Variants in APOBEC3G observed in about 807,000 individuals in gnomAD.
The protein encoded by APOBEC3G is apolipoprotein B mRNA editing enzyme catalytic subunit 3G, also known as DNA dC->dU-editing enzyme APOBEC-3G.
APOBEC3G carries 44 observed loss-of-function variants against 50.0 expected under a neutral mutation model. That is an observed-to-expected ratio of 0.88 (90% CI 0.69 to 1.13). The LOEUF is 1.13. Among genes scored for constraint, APOBEC3G ranks in the 50% most tolerant of loss-of-function variants. APOBEC3G has a pLI of 0.00. For missense variants in APOBEC3G, 469 were observed against 492.0 expected (o/e 0.95, Z 0.44); for synonymous variants, 156 against 175.3 (o/e 0.89, Z 0.87).
At chr22:39,080,614 C>T (rs1416243095) in intron 2 of APOBEC3G, 4 of 340,382 alleles carry the variant, frequency 1.2e-5, no homozygotes, top group Non-Finnish European at 2.2e-5. Flanking sequence ...TACTGCCCCC[C>T]CAGCTAGAGG....
intron 4 of APOBEC3G, chr22:39,081,956 A>C (rs991655270): frequency 3.6e-5 from 7 of 194,520 alleles, no homozygotes; most frequent in African/African-American, 1.4e-4. Flanking sequence ...CCCGGCAGTC[A>C]GAAGCTTTGA....
intron 1 of APOBEC3G, 147 bp downstream of exon 1, chr22:39,077,525 C>T: frequency 7.1e-7 from 1 of 1,418,048 alleles, no homozygotes. Context: ...CTACTCCCAG[C>T]CAGGCTCCTT....
chr22:39,087,423 G>T lies in APOBEC3G; in HGVS notation c.*2G>T. On this transcript the variant is annotated 3_prime_UTR_variant, in exon 8 of 8. Coordinates refer to ENST00000407997, the MANE Select transcript of APOBEC3G (RefSeq NM_021822.4). ...CTCTTCCAGAATCAGGAAAACTGAA[G>T]GATGGGCCTCAGTCTCTAAGGAAGG... The T allele has an allele frequency of 6.2e-7, 1 of 1,613,978 alleles. No homozygotes were observed. Among genetic ancestry groups the T allele is most frequent in the Non-Finnish European group, 8.5e-7 (1 of 1,179,892 alleles).
Position 39,078,840 on chromosome 22 carries a change from AGCCGTCCAG to A in APOBEC3G, c.18-90_18-82del, listed in dbSNP as rs952865287. Reference sequence around the variant, plus strand: ...GAGGGGAGGGATGGGGGAGGCCTAGAGCCGTCCAGGGGGCTGTGTTTAGTGGACATCAGC... The same window carrying A: ...GAGGGGAGGGATGGGGGAGGCCTAGAGGGGCTGTGTTTAGTGGACATCAGC... On this transcript the variant is annotated intron_variant, in intron 1 of 7. Coordinates refer to ENST00000407997, the MANE Select transcript of APOBEC3G (RefSeq NM_021822.4). 3.5e-5 allele frequency: 53 copies of A among 1,531,316 alleles called. No homozygotes were observed. In the African/African-American group the frequency reaches 6.2e-4, roughly 18 times the overall value. The allele number at this position is 1,531,316 out of a possible 1,614,324, so 94.9% of individuals were successfully genotyped here.
chr22:39,083,663 A>G (rs749737101), intron 4 of APOBEC3G, 68 bp from the exon 5 acceptor site: 11 of 1,547,890 alleles, frequency 7.1e-6, no homozygotes, highest in Non-Finnish European at 9.7e-6. Flanking sequence ...GGAAGCGTGG[A>G]GAGGGAGGGG....
At chr22:39,078,882 G>A in intron 1 of APOBEC3G, 50 bp from the exon 2 acceptor site, 1 of 1,607,286 alleles carries the variant, frequency 6.2e-7, no homozygotes, top group Non-Finnish European at 8.5e-7. Flanking sequence ...AGCCCGGAGG[G>A]CCCCCAGGAG....
At chr22:39,083,982 G>A (rs1928590463) in intron 5 of APOBEC3G, 98 bp downstream of exon 5, 1 of 1,433,720 alleles carries the variant, frequency 7.0e-7, no homozygotes. Flanking sequence ...GTCCTGCAGA[G>A]TGTCTGTCAC....
intron 5 of APOBEC3G, among the ~76,000 whole-genome samples, chr22:39,084,522 T>A (rs1928611972): frequency 9.7e-6 from 1 of 103,536 alleles, no homozygotes; most frequent in African/African-American, 3.4e-5. Context: ...CGAGACTCCG[T>A]CTCAAGAAAA....
At position 39,077,483 on chromosome 22, in the gene APOBEC3G, G is replaced by C. The variant is rs35223997; in HGVS notation, c.17+105G>C. 11,947 of 1,540,630 alleles carry C rather than the reference G, an allele frequency of 7.8e-3. 58 individuals are homozygous for C. Among genetic ancestry groups the C allele is most frequent in the Non-Finnish European group, 8.7e-3 (9,897 of 1,143,240 alleles). ...CTTCCCCTGCCCCAGCCCCAGCCCT[G>C]GGCTCCCTCCCCTCTGACTCCCCTG... On this transcript the variant is annotated intron_variant, in intron 1 of 7. Transcript: ENST00000407997.
At chr22:39,079,554 C>G (rs1278974853) in intron 2 of APOBEC3G, 1 of 154,176 alleles carries the variant, frequency 6.5e-6, no homozygotes, top group Non-Finnish European at 1.4e-5. Flanking sequence ...AACTTCTGAC[C>G]TCAGGTGATC....
intron 5 of APOBEC3G, 84 bp from the exon 6 acceptor site, chr22:39,086,195 T>C (rs1329676432): frequency 6.9e-7 from 1 of 1,453,776 alleles, no homozygotes. Context: ...TCCTAGCTAC[T>C]TGTACACTCC....
At chr22:39,086,654 T>A in intron 6 of APOBEC3G, 87 bp downstream of exon 6, 1 of 1,498,964 alleles carries the variant, frequency 6.7e-7, no homozygotes, top group Non-Finnish European at 9.0e-7. Flanking sequence ...AGGGTCGGCA[T>A]CCCTGTGGGA....
In APOBEC3G at chr22:39,081,573, G is replaced by C; in HGVS notation, c.569G>C (p.Gly190Ala). ...TATATATTACTGCACATCATGCTGG[G>C]GGAGATTCTCAGGTGAGGGTCTCCC... ...KYYILLHIML[G>A]EILRHSMDPP... Residue 190 changes from glycine (G) to alanine (A), a missense_variant, in exon 4 of 8, where the codon GGG (glycine) becomes GCG (alanine). Transcript: ENST00000407997. The C allele has an allele frequency of 6.2e-7, 1 of 1,613,540 alleles. No individual in the cohort carries two copies. The highest frequency in any genetic ancestry group is 8.5e-7 in the Non-Finnish European group (1 of 1,179,598).
At chr22:39,086,780 T>G (rs1601526031) in intron 6 of APOBEC3G, among the ~76,000 whole-genome samples, 1 of 150,586 alleles carries the variant, frequency 6.6e-6, no homozygotes, top group African/African-American at 2.4e-5. Context: ...GCGGGGAGGG[T>G]GGCTGGAAGT....
rs773807793 is a variant in APOBEC3G at position 39,080,897 on chromosome 22, C to G, written c.172-36C>G. ...CACCCCTGCTCTCCTCCTGCTCCCC[C>G]TCTCAGAGCTTGCCCTGACCCTGCT... On this transcript the variant is annotated intron_variant, in intron 2 of 7. Coordinates refer to ENST00000407997, the MANE Select transcript of APOBEC3G (RefSeq NM_021822.4). 2.3e-5 allele frequency: 36 copies of G among 1,572,036 alleles called. 1 individual carries two copies. The highest frequency in any genetic ancestry group is 1.8e-4 in the Middle Eastern group (1 of 5,464).
chr22:39,078,816 AG>A, intron 1 of APOBEC3G, 115 bp from the exon 2 acceptor site: 1 of 1,387,466 alleles, frequency 7.2e-7, no homozygotes, highest in Non-Finnish European at 9.5e-7. Context: ...TTCTCAGGGG[AG>A]GGGAGGGATG....
At chr22:39,078,798 C>T (rs1352143346) in intron 1 of APOBEC3G, 134 bp from the exon 2 acceptor site, 65 of 1,321,482 alleles carry the variant, frequency 4.9e-5, no homozygotes, top group African/African-American at 9.0e-5. Flanking sequence ...CTACAGTCTC[C>T]GCCGAAATTC....
intron 5 of APOBEC3G, among the ~76,000 whole-genome samples, chr22:39,085,492 C>G (rs1422867035): frequency 1.3e-5 from 2 of 152,178 alleles, no homozygotes; most frequent in Non-Finnish European, 2.9e-5. Context: ...GAGTGAGGGT[C>G]CTGAAGGCAC....
intron 3 of APOBEC3G, 105 bp downstream of exon 3, chr22:39,081,332 A>G (rs1601520912): frequency 1.9e-6 from 3 of 1,545,824 alleles, no homozygotes; most frequent in Middle Eastern, 1.8e-4. Context: ...GCAAAGGCCA[A>G]GTGTCCCAGG....
Sources: allele counts gnomAD v4.1 joint callset (sites outside exome capture counted in the v4.1 genomes callset), GRCh38; gene constraint gnomAD v4.1.1; transcripts MANE v1.5; gene names NCBI Gene and HGNC (gene_info 2026-07-23, HGNC 2026-07-21).